RBFOX1: variants seen among roughly 807,000 people sequenced by gnomAD.
RBFOX1 encodes the protein RNA binding fox-1 homolog 1, also known as RNA binding protein fox-1 homolog 1.
RBFOX1 carries 8 observed loss-of-function variants against 57.7 expected under a neutral mutation model. The ratio of observed to expected loss-of-function variants is 0.14; its 90% CI spans 0.08 to 0.25. The LOEUF (loss-of-function observed/expected upper bound fraction) is 0.25, where lower values mean the gene tolerates loss of function less well. Ranked by LOEUF, RBFOX1 falls within the 10% of genes least tolerant of loss-of-function variation. The pLI, the probability that RBFOX1 is intolerant of heterozygous loss-of-function variation, is 1.00. For synonymous variants in RBFOX1, 326 were observed against 222.4 expected (o/e 1.47, Z -4.15); for missense variants, 611 against 548.5 (o/e 1.11, Z -1.14).
rs140308807 is a variant in RBFOX1 at position 6,966,310 on chromosome 16, G to A, written c.-15-85747G>A. Among the ~76,000 whole-genome samples, 225 of 152,254 alleles carry A rather than the reference G, an allele frequency of 1.5e-3. 1 individual carries two copies. The highest frequency in any genetic ancestry group is 4.7e-3 in the African/African-American group (195 of 41,558). ...CCTGCAGGCACTGAGGATAAAATGG[G>A]AGTGAAGGGAGAGCAAGTTTTGGCT... On this transcript the variant is annotated intron_variant, in intron 3 of 15. Coordinates refer to ENST00000550418, the MANE Select transcript of RBFOX1 (RefSeq NM_018723.4).
intron 4 of RBFOX1, among the ~76,000 whole-genome samples, chr16:7,376,505 C>T (rs934156694): frequency 3.9e-5 from 6 of 152,148 alleles, no homozygotes; most frequent in African/African-American, 7.2e-5. Flanking sequence ...TGAGTGTTTA[C>T]CACAGCTCTG....
rs542292985 is a variant in RBFOX1, at chr16:5,908,099, CAT to C, written c.351+40774_351+40775del. Among the ~76,000 whole-genome samples the C allele has an allele frequency of 4.0e-4, 55 of 137,670 alleles. 2 individuals are homozygous for C. The highest frequency in any genetic ancestry group is 1.3e-3 in the African/African-American group (42 of 31,954). The allele number at this position is 137,670 out of a possible 152,430, so 90.3% of individuals were successfully genotyped here. On this transcript the variant is annotated intron_variant, in intron 4 of 19. Transcript: ENST00000641259. ...ATATATATATATACACATATATACA[CAT>C]ATATATATACACATATATACACATA...
intron 4 of RBFOX1, among the ~76,000 whole-genome samples, chr16:7,082,576 A>T (rs114146921): frequency 0.04 from 6,003 of 151,948 alleles, 351 homozygotes; most frequent in African/African-American, 0.12. Context: ...AAAAAAAAAT[A>T]AAAATTAAAA....
chr16:6,058,129 C>T lies in RBFOX1; in HGVS notation c.-127+38137C>T, dbSNP rs150794568. On this transcript the variant is annotated intron_variant, in intron 1 of 15. Coordinates refer to ENST00000550418, the MANE Select transcript of RBFOX1 (RefSeq NM_018723.4). ...TTATTTGAAGTAGAGTTTTTGAGCA[C>T]GTGATGGGGTCGGGGGTGGAATGGA... is the stretch of plus-strand genomic sequence containing the variant. 1.1e-4 allele frequency among the ~76,000 whole-genome samples: 16 copies of T among 152,144 alleles called. No homozygotes were observed. The East Asian group carries it at 1.5e-3, about 15-fold the overall frequency.
chr16:5,618,509 T>C (rs1238315480), intron 3 of RBFOX1, among the ~76,000 whole-genome samples: 2 of 152,108 alleles, frequency 1.3e-5, no homozygotes, highest in African/African-American at 4.8e-5. Context: ...AGCTAATTTT[T>C]TGTATTTTTA....
At chr16:7,060,513 A>T (rs6500908) in intron 4 of RBFOX1, among the ~76,000 whole-genome samples, 1 of 152,032 alleles carries the variant, frequency 6.6e-6, no homozygotes, top group Non-Finnish European at 1.5e-5. Flanking sequence ...TTCCAGTTAA[A>T]TACCTTCTGC....
intron 4 of RBFOX1, among the ~76,000 whole-genome samples, chr16:7,078,719 G>A (rs1396655475): frequency 7.2e-6 from 1 of 138,854 alleles, no homozygotes; most frequent in East Asian, 2.2e-4. Flanking sequence ...CTCTCGCTCT[G>A]TCACCCAGGC....
chr16:6,359,318 T>A (rs941254502), intron 2 of RBFOX1, among the ~76,000 whole-genome samples: 1 of 152,138 alleles, frequency 6.6e-6, no homozygotes, highest in African/African-American at 2.4e-5. Flanking sequence ...GGTCTTGAAC[T>A]CCTGACCTCA....
intron 4 of RBFOX1, among the ~76,000 whole-genome samples, chr16:7,102,560 A>T (rs1290066369): frequency 6.6e-6 from 1 of 152,166 alleles, no homozygotes; most frequent in Non-Finnish European, 1.5e-5. Context: ...TGCGGCTTGG[A>T]TATGGATCAT....
chr16:7,087,676 C>G (rs1045856110), intron 4 of RBFOX1, among the ~76,000 whole-genome samples: 4 of 152,100 alleles, frequency 2.6e-5, no homozygotes, highest in South Asian at 4.1e-4. Context: ...CTCATAAACT[C>G]ATAAACAAGC....
At chr16:5,268,531 C>T (rs1193537017) in intron 1 of RBFOX1, among the ~76,000 whole-genome samples, 2 of 152,246 alleles carry the variant, frequency 1.3e-5, no homozygotes, top group East Asian at 1.9e-4. Flanking sequence ...TACTGTGGCT[C>T]ACCAGGTCCA....
intron 3 of RBFOX1, among the ~76,000 whole-genome samples, chr16:5,670,295 C>T (rs1723608308): frequency 6.6e-6 from 1 of 152,106 alleles, no homozygotes; most frequent in Non-Finnish European, 1.5e-5. Context: ...TTAAATGTTT[C>T]TCATAATACA....
chr16:6,511,623 G>C (rs1185827388), intron 2 of RBFOX1, among the ~76,000 whole-genome samples: 4 of 152,246 alleles, frequency 2.6e-5, no homozygotes, highest in African/African-American at 9.6e-5. Context: ...TAGAATGAGC[G>C]CCAAAGAGGG....
intron 4 of RBFOX1, among the ~76,000 whole-genome samples, chr16:7,254,685 T>G (rs1296113027): frequency 1.3e-5 from 2 of 152,090 alleles, no homozygotes; most frequent in Non-Finnish European, 2.9e-5. Context: ...AAATCTAAGT[T>G]AGAAAGACAT....
intron 1 of RBFOX1, among the ~76,000 whole-genome samples, chr16:6,141,193 CGCT>C (rs1362552875): frequency 1.3e-5 from 2 of 152,210 alleles, no homozygotes; most frequent in Non-Finnish European, 2.9e-5. Context: ...TCACCATGGC[CGCT>C]GCTTTTGGAG....
chr16:6,447,842 A>C (rs1341860562), intron 2 of RBFOX1, among the ~76,000 whole-genome samples: 1 of 152,188 alleles, frequency 6.6e-6, no homozygotes, highest in Non-Finnish European at 1.5e-5. Flanking sequence ...AATTTAAGGA[A>C]GGGGAAAGAC....
At chr16:6,033,763 C>T (rs538654338) in intron 1 of RBFOX1, among the ~76,000 whole-genome samples, 4 of 152,330 alleles carry the variant, frequency 2.6e-5, no homozygotes, top group Non-Finnish European at 5.9e-5. Flanking sequence ...CCACCACTTC[C>T]CACACATGTC....
intron 4 of RBFOX1, among the ~76,000 whole-genome samples, chr16:7,343,724 A>G (rs759010112): frequency 6.6e-6 from 1 of 152,116 alleles, no homozygotes; most frequent in Non-Finnish European, 1.5e-5. Context: ...GTAGGGTGTG[A>G]GCTCTAGAGC....
chr16:6,775,972 C>T (rs943187949), intron 3 of RBFOX1: 5 of 152,148 alleles, frequency 3.3e-5, no homozygotes, highest in South Asian at 2.1e-4. Flanking sequence ...ACAGGCATAT[C>T]GATTCCAAGT....
Sources: gnomAD v4.1 joint callset for allele counts (sites outside exome capture counted in the v4.1 genomes callset) on GRCh38, gnomAD v4.1.1 for gene constraint, MANE v1.5 for transcripts, NCBI Gene and HGNC (gene_info 2026-07-23, HGNC 2026-07-21) for gene names.